Variants in ZNF609 observed in about 807,000 individuals in gnomAD.
ZNF609 encodes zinc finger protein 609.
In ZNF609, 11 loss-of-function variants were observed where a neutral mutation model predicts 109.5. The observed-to-expected ratio is 0.10, with a 90% CI of 0.06 to 0.17. The LOEUF is 0.17. Ranked by LOEUF, ZNF609 falls within the 10% of genes least tolerant of loss-of-function variation. The pLI is 1.00. For missense variants in ZNF609, 1,559 were observed against 1,772.4 expected (o/e 0.88, Z 2.16); for synonymous variants, 646 against 662.0 (o/e 0.98, Z 0.37).
intron 9 of ZNF609, 84 bp downstream of exon 9, chr15:64,681,471 G>A (rs2083208232): frequency 1.7e-6 from 2 of 1,146,070 alleles, no homozygotes; most frequent in Non-Finnish European, 2.6e-6. Flanking sequence ...GTGAGAAATA[G>A]CTATGAGGGG....
intron 2 of ZNF609, among the ~76,000 whole-genome samples, chr15:64,603,553 G>A (rs1423713402): frequency 6.6e-6 from 1 of 151,840 alleles, no homozygotes; most frequent in Admixed American, 6.6e-5. Context: ...ACAGGCGTGA[G>A]CCACTGCACC....
intron 2 of ZNF609, among the ~76,000 whole-genome samples, chr15:64,601,646 A>G (rs35789524): frequency 0.26 from 38,984 of 152,136 alleles, 6,374 homozygotes; most frequent in Admixed American, 0.43. Context: ...CAAATTAATC[A>G]TATTTGAGAA....
chr15:64,479,646 T>TTATTTAAAA (rs1893223170), intron 1 of ZNF609, among the ~76,000 whole-genome samples: 1 of 151,486 alleles, frequency 6.6e-6, no homozygotes, highest in Admixed American at 6.6e-5. Context: ...GGGCTGGGTG[T>TTATTTAAAA]GGTGGTTCAC....
intron 2 of ZNF609, among the ~76,000 whole-genome samples, chr15:64,511,546 T>C (rs1425519501): frequency 6.6e-6 from 1 of 151,352 alleles, no homozygotes; most frequent in African/African-American, 2.4e-5. Context: ...ATCAGCATAC[T>C]GAATGTATCC....
At chr15:64,461,717 A>G (rs891845120) in intron 1 of ZNF609, among the ~76,000 whole-genome samples, 3 of 152,208 alleles carry the variant, frequency 2.0e-5, no homozygotes, top group Non-Finnish European at 2.9e-5. Context: ...TAAATTCTCT[A>G]AGAAACAGCT....
At chr15:64,490,128 T>A (rs1893391262) in intron 1 of ZNF609, among the ~76,000 whole-genome samples, 1 of 152,014 alleles carries the variant, frequency 6.6e-6, no homozygotes, top group Non-Finnish European at 1.5e-5. Flanking sequence ...CTGGCTAATT[T>A]TTTATTTTTA....
intron 3 of ZNF609, among the ~76,000 whole-genome samples, chr15:64,633,559 C>T (rs913703160): frequency 3.3e-5 from 5 of 152,138 alleles, no homozygotes; most frequent in Non-Finnish European, 7.4e-5. Flanking sequence ...GGATTACAGG[C>T]GTAAGGCACT....
At chr15:64,566,743 C>G (rs1379459832) in intron 2 of ZNF609, among the ~76,000 whole-genome samples, 2 of 152,188 alleles carry the variant, frequency 1.3e-5, no homozygotes, top group Non-Finnish European at 2.9e-5. Flanking sequence ...TTAACTACTT[C>G]CCAGTTTTAC....
chr15:64,613,361 T>A (rs1478351536), intron 2 of ZNF609, among the ~76,000 whole-genome samples: 1 of 152,072 alleles, frequency 6.6e-6, no homozygotes, highest in African/African-American at 2.4e-5. Context: ...TTCCTCCACT[T>A]ATAGTTAAAT....
chr15:64,577,099 TAC>T lies in ZNF609; in HGVS notation c.748-45722_748-45721del, dbSNP rs1413873522. 7.3e-4 allele frequency among the ~76,000 whole-genome samples: 93 copies of T among 127,554 alleles called. 3 individuals carry two copies. Among genetic ancestry groups the T allele is most frequent in the African/African-American group, 2.5e-3 (87 of 34,284 alleles). 83.7% of individuals were successfully genotyped at this position (127,554 alleles called of 152,430 possible). On this transcript the variant is annotated intron_variant, in intron 2 of 9. Coordinates refer to ENST00000326648, the MANE Select transcript of ZNF609 (RefSeq NM_015042.2). ...ACAAATATATACATATATGTATATATACACACAAATATATACATATATGTGTA... is the reference window on the plus strand; with the variant it reads ...ACAAATATATACATATATGTATATATACACAAATATATACATATATGTGTA...
intron 3 of ZNF609, among the ~76,000 whole-genome samples, chr15:64,640,433 G>C (rs1896237484): frequency 6.6e-6 from 1 of 151,734 alleles, no homozygotes; most frequent in African/African-American, 2.4e-5. Flanking sequence ...GGGTGGTTCA[G>C]CTCTACTCTG....
chr15:64,576,626 A>C (rs1377666821), intron 2 of ZNF609, among the ~76,000 whole-genome samples: 1 of 151,862 alleles, frequency 6.6e-6, no homozygotes, highest in Non-Finnish European at 1.5e-5. Context: ...TAAACAAGAA[A>C]GGTTAAAGGA....
chr15:64,621,846 C>T (rs1895881667), intron 2 of ZNF609, among the ~76,000 whole-genome samples: 1 of 151,702 alleles, frequency 6.6e-6, no homozygotes, highest in South Asian at 2.1e-4. Context: ...CTGCCTCAGC[C>T]TCCTGGATAG....
rs544465665 is a variant in ZNF609, at chr15:64,548,489, G to A, written c.747+48323G>A. ...TAATAGAACTGCTTAGGCTGGGCTA[G>A]GTGGCTCATGTCTGTAATCCTAACA... On this transcript the variant is annotated intron_variant, in intron 2 of 9. Transcript: ENST00000326648. 1.9e-4 allele frequency among the ~76,000 whole-genome samples: 29 copies of A among 152,306 alleles called. No individual in the cohort carries two copies. The South Asian group carries it at 3.7e-3, about 20-fold the overall frequency.
chr15:64,637,731 G>C (rs1429045467), intron 3 of ZNF609, among the ~76,000 whole-genome samples: 2 of 151,724 alleles, frequency 1.3e-5, no homozygotes, highest in East Asian at 3.9e-4. Flanking sequence ...GGATTGGGTT[G>C]TATGTCTTTT....
At chr15:64,505,208 C>T (rs892198994) in intron 2 of ZNF609, among the ~76,000 whole-genome samples, 2 of 152,178 alleles carry the variant, frequency 1.3e-5, no homozygotes, top group African/African-American at 4.8e-5. Flanking sequence ...TACTTTAAAA[C>T]TGCTACTTTG....
chr15:64,651,210 T>A (rs1896410976), intron 3 of ZNF609, among the ~76,000 whole-genome samples: 1 of 152,214 alleles, frequency 6.6e-6, no homozygotes, highest in African/African-American at 2.4e-5. Context: ...TTATTGCATT[T>A]TTGTCATGTA....
At chr15:64,480,571 C>T (rs1481532940) in intron 1 of ZNF609, among the ~76,000 whole-genome samples, 2 of 151,858 alleles carry the variant, frequency 1.3e-5, no homozygotes, top group Non-Finnish European at 2.9e-5. Flanking sequence ...TAATTTAATT[C>T]TCATCTCATA....
At chr15:64,575,606 T>C (rs1894938305) in intron 2 of ZNF609, among the ~76,000 whole-genome samples, 1 of 152,196 alleles carries the variant, frequency 6.6e-6, no homozygotes, top group African/African-American at 2.4e-5. Context: ...GAATTCTCTT[T>C]TCTTATTCAT....
Sources: allele counts gnomAD v4.1 joint callset (sites outside exome capture counted in the v4.1 genomes callset), GRCh38; gene constraint gnomAD v4.1.1; transcripts MANE v1.5; gene names NCBI Gene and HGNC (gene_info 2026-07-23, HGNC 2026-07-21).